PTPRD: variants seen among roughly 807,000 people sequenced by gnomAD.
PTPRD encodes receptor-type tyrosine-protein phosphatase delta.
Under a neutral mutation model 214.5 loss-of-function variants are expected in PTPRD, and 34 were observed. That is an observed-to-expected ratio of 0.16 (90% confidence interval 0.12 to 0.21). The LOEUF is 0.21. Ranked by LOEUF, PTPRD falls within the 10% of genes least tolerant of loss-of-function variation. The pLI, the probability that PTPRD is intolerant of heterozygous loss-of-function variation, is 1.00. For missense variants in PTPRD, 2,545 were observed against 2,398.7 expected, an observed-to-expected ratio of 1.06 and a Z score of -1.27; for synonymous variants, 1,128 against 845.7, an observed-to-expected ratio of 1.33 and a Z score of -5.79.
chr9:9,558,233 C>A (rs147052800), intron 8 of PTPRD, among the ~76,000 whole-genome samples: 2,951 of 152,278 alleles, frequency 0.019, 45 homozygotes, highest in Middle Eastern at 0.048. Context: ...GCAGTTGTAC[C>A]TTTTACAGAC....
chr9:9,835,881 C>A (rs1449279087), intron 5 of PTPRD, among the ~76,000 whole-genome samples: 1 of 152,058 alleles, frequency 6.6e-6, no homozygotes, highest in Admixed American at 6.6e-5. Flanking sequence ...AGTCAATCAT[C>A]ATTCAGTGAG....
At chr9:9,673,527 T>C (rs2096870368) in intron 7 of PTPRD, among the ~76,000 whole-genome samples, 1 of 151,804 alleles carries the variant, frequency 6.6e-6, no homozygotes, top group South Asian at 2.1e-4. Flanking sequence ...CTGGGAAATA[T>C]TTCTGAAGAA....
At chr9:9,192,191 A>G (rs2099935652) in intron 9 of PTPRD, among the ~76,000 whole-genome samples, 1 of 152,064 alleles carries the variant, frequency 6.6e-6, no homozygotes, top group African/African-American at 2.4e-5. Context: ...TCAGTAAATC[A>G]GAGAGTTAAT....
chr9:10,341,046 C>T (rs2096930056), intron 2 of PTPRD, 29 bp from the exon 3 acceptor site: 2 of 151,858 alleles, frequency 1.3e-5, no homozygotes, highest in Non-Finnish European at 2.9e-5. Flanking sequence ...TGGGCTAGAT[C>T]CATTATTTTA....
At chr9:8,775,089 C>T (rs1256543212) in intron 11 of PTPRD, among the ~76,000 whole-genome samples, 1 of 152,092 alleles carries the variant, frequency 6.6e-6, no homozygotes, top group African/African-American at 2.4e-5. Flanking sequence ...TTAAGTGATG[C>T]AGGTACTAAC....
chr9:9,679,269 C>T (rs886881220), intron 7 of PTPRD, among the ~76,000 whole-genome samples: 11 of 151,674 alleles, frequency 7.3e-5, no homozygotes, highest in African/African-American at 2.4e-4. Flanking sequence ...CCTTCACACA[C>T]AAGCGCTTTG....
chr9:9,831,624 T>C (rs912993808), intron 5 of PTPRD, among the ~76,000 whole-genome samples: 4 of 151,996 alleles, frequency 2.6e-5, no homozygotes, highest in Non-Finnish European at 4.4e-5. Context: ...GCTAACCAAC[T>C]ACCTCTCAAT....
At chr9:8,973,989 T>C (rs1369161625) in intron 11 of PTPRD, among the ~76,000 whole-genome samples, 1 of 152,100 alleles carries the variant, frequency 6.6e-6, no homozygotes. Flanking sequence ...GAAAGTATGT[T>C]CTCCCATACT....
chr9:9,387,961 G>A (rs1263942525), intron 9 of PTPRD, among the ~76,000 whole-genome samples: 1 of 152,180 alleles, frequency 6.6e-6, no homozygotes, highest in Non-Finnish European at 1.5e-5. Context: ...GTGTTAACCA[G>A]CTTAATTAGA....
At chr9:8,495,733 G>A (rs2097250450) in intron 26 of PTPRD, among the ~76,000 whole-genome samples, 1 of 152,188 alleles carries the variant, frequency 6.6e-6, no homozygotes, top group Admixed American at 6.5e-5. Context: ...CTTACTGTGA[G>A]TTATAGTCAA....
chr9:8,978,310 T>C (rs762388877), intron 11 of PTPRD, among the ~76,000 whole-genome samples: 23 of 152,234 alleles, frequency 1.5e-4, no homozygotes, highest in Non-Finnish European at 2.8e-4. Flanking sequence ...ATTATGGTTG[T>C]TACTGTGTAA....
intron 14 of PTPRD, among the ~76,000 whole-genome samples, chr9:8,560,999 G>C (rs1402832950): frequency 6.6e-6 from 1 of 151,690 alleles, no homozygotes; most frequent in East Asian, 1.9e-4. Context: ...TAGTCAGATG[G>C]GGCAGGATCC....
chr9:9,489,696 CA>C (rs2095817939), intron 8 of PTPRD, among the ~76,000 whole-genome samples: 1 of 151,666 alleles, frequency 6.6e-6, no homozygotes, highest in African/African-American at 2.4e-5. Flanking sequence ...TGAAATAGGA[CA>C]AAAAATATCA....
chr9:9,486,862 C>T (rs1220893924), intron 8 of PTPRD, among the ~76,000 whole-genome samples: 2 of 152,118 alleles, frequency 1.3e-5, no homozygotes, highest in Non-Finnish European at 2.9e-5. Context: ...ATTTTACTCT[C>T]CACCTCTATA....
intron 7 of PTPRD, among the ~76,000 whole-genome samples, chr9:9,598,218 C>G (rs971657627): frequency 6.6e-6 from 1 of 152,022 alleles, no homozygotes; most frequent in Non-Finnish European, 1.5e-5. Flanking sequence ...AAATAGCCCT[C>G]CTTCCTCAAG....
chr9:10,264,394 G>A (rs2093912193), intron 3 of PTPRD, among the ~76,000 whole-genome samples: 1 of 152,170 alleles, frequency 6.6e-6, no homozygotes, highest in African/African-American at 2.4e-5. Flanking sequence ...AGCTGCCCAA[G>A]ACCATGGGAA....
In PTPRD at chr9:10,121,500, C is replaced by T. The variant is rs375566118; in HGVS notation, c.-544-87710G>A. 5.9e-5 allele frequency among the ~76,000 whole-genome samples: 9 copies of T among 152,142 alleles called. No individual in the cohort carries two copies. In the East Asian group the frequency reaches 9.6e-4, roughly 16 times the overall value. On this transcript the variant is annotated intron_variant, in intron 3 of 45. Transcript: ENST00000381196. Reference sequence around the variant, plus strand: ...ACTACTAACAACACATAACAAAACACGAGCAATATAACGTCAACAAAAAAG... The same window carrying T: ...ACTACTAACAACACATAACAAAACATGAGCAATATAACGTCAACAAAAAAG...
chr9:9,381,523 G>A (rs1271952052), intron 9 of PTPRD, among the ~76,000 whole-genome samples: 1 of 151,568 alleles, frequency 6.6e-6, no homozygotes. Context: ...ACCATACCCG[G>A]CTAATTTTTG....
intron 5 of PTPRD, among the ~76,000 whole-genome samples, chr9:9,887,984 C>A (rs1477767692): frequency 1.3e-5 from 2 of 152,052 alleles, no homozygotes; most frequent in South Asian, 2.1e-4. Flanking sequence ...AATGCCGAAA[C>A]AGAAAATGAC....
Sources: allele counts gnomAD v4.1 joint callset (sites outside exome capture counted in the v4.1 genomes callset), GRCh38; gene constraint gnomAD v4.1.1; transcripts MANE v1.5; gene names NCBI Gene and HGNC (gene_info 2026-07-23, HGNC 2026-07-21).